The following FREM1 variants were observed in gnomAD, a reference collection of about 807,000 sequenced individuals.
The protein encoded by FREM1 is FRAS1-related extracellular matrix protein 1.
FREM1 carries 220 observed loss-of-function variants against 210.1 expected under a neutral mutation model. That is an observed-to-expected ratio of 1.05 (90% CI 0.94 to 1.17). The LOEUF (loss-of-function observed/expected upper bound fraction) is 1.17, where lower values mean the gene tolerates loss of function less well. FREM1 is among the 50% of genes most tolerant of loss of function. The pLI, the probability that FREM1 is intolerant of heterozygous loss-of-function variation, is 0.00. For missense variants in FREM1, 3,454 were observed against 2,675.5 expected (o/e 1.29, Z -6.42); for synonymous variants, 1,189 against 980.2 (o/e 1.21, Z -3.98).
At chr9:14,882,244 G>C (rs1220896711) in intron 1 of FREM1, among the ~76,000 whole-genome samples, 1 of 151,976 alleles carries the variant, frequency 6.6e-6, no homozygotes, top group Non-Finnish European at 1.5e-5. Context: ...CAGCATATGG[G>C]ACAATAGTTC....
At chr9:14,827,120 T>C (rs1564019566) in intron 10 of FREM1, among the ~76,000 whole-genome samples, 1 of 152,124 alleles carries the variant, frequency 6.6e-6, no homozygotes, top group Non-Finnish European at 1.5e-5. Flanking sequence ...TATATTGCTG[T>C]GAATAGATCA....
rs1563881767 is a variant in FREM1, at chr9:14,770,605, C to G, written c.5059G>C (p.Gly1687Arg). Residue 1687 changes from glycine (G) to arginine (R), a missense_variant and splice_region_variant, in exon 26 of 37, where the codon GGT becomes CGT. Transcript: ENST00000380880. ...TTGTAAGGATTAAGGAGGCCAGTAC[C>G]TGTTGTTGTGTTCTCCAGATGTCCA... ...KHGHLENTTT[G>R]EFIHEKFSQK... 1 of 1,608,276 alleles carries G rather than the reference C, an allele frequency of 6.2e-7. No homozygotes were observed. Among genetic ancestry groups the G allele is most frequent in the South Asian group, 1.1e-5 (1 of 90,934 alleles).
chr9:14,776,568 C>T (rs1431167143), intron 24 of FREM1, among the ~76,000 whole-genome samples: 1 of 152,138 alleles, frequency 6.6e-6, no homozygotes, highest in African/African-American at 2.4e-5. Flanking sequence ...GAGTATACCC[C>T]CTTTATTTAT....
chr9:14,800,661 A>T (rs1159396236), intron 20 of FREM1, among the ~76,000 whole-genome samples: 3 of 152,158 alleles, frequency 2.0e-5, no homozygotes, highest in Admixed American at 1.3e-4. Flanking sequence ...TGTTTGAGTG[A>T]AAATACAATA....
chr9:14,806,804 G>C lies in FREM1; in HGVS notation c.3131C>G (p.Thr1044Ser), dbSNP rs1461417818. ...VVDEGCSTAL[T>S]VNHLSATDPD... ...GTCAGTGGCGGACAAATGGTTAACA[G>C]TAAGGGCTGTTGAGCAGCCCTCATC... Residue 1044 changes from threonine (T) to serine (S), a missense_variant, in exon 18 of 37, where the codon ACT becomes AGT. Coordinates refer to ENST00000380880, the MANE Select transcript of FREM1 (RefSeq NM_001379081.2). The C allele has an allele frequency of 1.2e-6, 2 of 1,607,896 alleles. No homozygotes were observed. Among genetic ancestry groups the C allele is most frequent in the African/African-American group, 2.7e-5 (2 of 74,974 alleles).
At chr9:14,807,002 C>G (rs1818490947) in intron 17 of FREM1, among the ~76,000 whole-genome samples, 156 bp from the exon 18 acceptor site, 1 of 152,182 alleles carries the variant, frequency 6.6e-6, no homozygotes, top group Non-Finnish European at 1.5e-5. Flanking sequence ...GCATCATTCT[C>G]TTTAAAGTGA....
chr9:14,740,160 G>A lies in FREM1; in HGVS notation c.6329C>T (p.Ser2110Phe). ...RWLWDIGGRK[S>F]FWIGLNDQVH... ...TCCCAGATACTTGCCTATCCAAAAGGACTTTCTCCCACCAATGTCCCAGAG... is the reference window on the plus strand; with the variant it reads ...TCCCAGATACTTGCCTATCCAAAAGAACTTTCTCCCACCAATGTCCCAGAG... Residue 2110 changes from serine to phenylalanine, a missense_variant, in exon 36 of 37, where the codon TCC (serine) becomes TTC (phenylalanine). Transcript: ENST00000380880. The A allele has an allele frequency of 1.9e-6, 3 of 1,611,740 alleles. No homozygotes were observed. Among genetic ancestry groups the A allele is most frequent in the Non-Finnish European group, 2.5e-6 (3 of 1,178,494 alleles).
intron 16 of FREM1, among the ~76,000 whole-genome samples, chr9:14,810,628 C>T (rs1819227681): frequency 6.6e-6 from 1 of 152,092 alleles, no homozygotes; most frequent in South Asian, 2.1e-4. Flanking sequence ...TATTAATGGA[C>T]TTTCATATAG....
chr9:14,756,331 A>C (rs79746627), intron 29 of FREM1, 43 bp downstream of exon 29: 1 of 1,427,682 alleles, frequency 7.0e-7, no homozygotes, highest in South Asian at 1.3e-5. Flanking sequence ...AAAAAAAAAC[A>C]AAAAACAAAA....
intron 29 of FREM1, among the ~76,000 whole-genome samples, chr9:14,753,072 T>G (rs1204016338): frequency 6.6e-6 from 1 of 152,196 alleles, no homozygotes; most frequent in Non-Finnish European, 1.5e-5. Flanking sequence ...ACTTTATCAT[T>G]TTTTCCCTTC....
At chr9:14,893,069 G>C (rs1048320144) in intron 1 of FREM1, among the ~76,000 whole-genome samples, 2 of 152,142 alleles carry the variant, frequency 1.3e-5, no homozygotes, top group African/African-American at 4.8e-5. Flanking sequence ...TTGGCCCCCA[G>C]AGCTGTGGTG....
intron 1 of FREM1, among the ~76,000 whole-genome samples, chr9:14,880,647 T>C (rs1007481538): frequency 2.0e-5 from 3 of 150,906 alleles, no homozygotes; most frequent in African/African-American, 7.3e-5. Context: ...ATGAGATTCA[T>C]GTAAAATTGC....
intron 20 of FREM1, among the ~76,000 whole-genome samples, chr9:14,799,167 T>G (rs10961713): frequency 0.23 from 35,102 of 151,574 alleles, 4,275 homozygotes; most frequent in South Asian, 0.29. Context: ...GTGCCTGTGG[T>G]CCCAGCTAGT....
At chr9:14,876,146 G>C (rs1476019007) in intron 1 of FREM1, among the ~76,000 whole-genome samples, 1 of 152,088 alleles carries the variant, frequency 6.6e-6, no homozygotes, top group Non-Finnish European at 1.5e-5. Context: ...CACTTGAGGA[G>C]GCAGTCTGCC....
chr9:14,889,128 T>TA (rs1454844070), intron 1 of FREM1, among the ~76,000 whole-genome samples: 21 of 152,310 alleles, frequency 1.4e-4, no homozygotes, highest in Non-Finnish European at 2.2e-4. Flanking sequence ...AAGATTGTGA[T>TA]AAAAAAATCC....
At chr9:14,892,341 AC>A (rs1198943665) in intron 1 of FREM1, among the ~76,000 whole-genome samples, 1 of 152,146 alleles carries the variant, frequency 6.6e-6, no homozygotes, top group African/African-American at 2.4e-5. Flanking sequence ...GGGTGCATTT[AC>A]CAGAGTAAAT....
rs1044912945 is a variant in FREM1, at chr9:14,767,527, T to C, written c.5204+2197A>G. ...TCAGATTATGATGGTACCTGACTCA[T>C]AGGTGGTTCTGATGATTAAATGAAT... On this transcript the variant is annotated intron_variant, in intron 27 of 36. Coordinates refer to ENST00000380880, the MANE Select transcript of FREM1 (RefSeq NM_001379081.2). Among the ~76,000 whole-genome samples, 13 of 152,178 alleles carry C rather than the reference T, an allele frequency of 8.5e-5. No homozygotes were observed. The South Asian group carries it at 1.4e-3, about 17-fold the overall frequency.
chr9:14,784,606 G>T lies in FREM1; in HGVS notation c.4206C>A (p.Leu1402=), dbSNP rs777423648. The part of the protein sequence containing the change: ...KGDIVILTKP[L]VVSKGDRGFL... ...AACCTCTATCACCTTTAGACACCACGAGTGGTTTTGTAAGGATGACAATAT... is the reference window on the plus strand; with the variant it reads ...AACCTCTATCACCTTTAGACACCACTAGTGGTTTTGTAAGGATGACAATAT... The change falls in exon 24 of 37, where the codon CTC becomes CTA. Residue 1402 remains leucine, a synonymous_variant. Coordinates refer to ENST00000380880, the MANE Select transcript of FREM1 (RefSeq NM_001379081.2). The T allele has an allele frequency of 6.3e-7, 1 of 1,595,124 alleles. No individual in the cohort carries two copies. The highest frequency in any genetic ancestry group is 8.6e-7 in the Non-Finnish European group (1 of 1,169,200).
rs143991406 is a variant in FREM1 at position 14,748,000 on chromosome 9, A to AAC, written c.5797-274_5797-273dup. The stretch of plus-strand genomic sequence containing the variant: ...TATATCTATAGTACACAGGTCCAAG[A>AAC]ACACACACACACACGCGTGTGCACA... On this transcript the variant is annotated intron_variant, in intron 31 of 36. Transcript: ENST00000380880. Among the ~76,000 whole-genome samples the AAC allele has an allele frequency of 7.0e-3, 1,058 of 151,980 alleles. 10 individuals are homozygous for AAC. The highest frequency in any genetic ancestry group is 0.01 in the Middle Eastern group (3 of 292).
Sources: gnomAD v4.1 joint callset for allele counts (sites outside exome capture counted in the v4.1 genomes callset) on GRCh38, gnomAD v4.1.1 for gene constraint, MANE v1.5 for transcripts, NCBI Gene and HGNC (gene_info 2026-07-23, HGNC 2026-07-21) for gene names.